The following MAPK14 variants were observed in gnomAD, a reference collection of about 807,000 sequenced individuals.
The protein encoded by MAPK14 is mitogen-activated protein kinase 14, also known as CSAID-binding protein.
Under a neutral mutation model 49.6 loss-of-function variants are expected in MAPK14, and 16 were observed. That is an observed-to-expected ratio of 0.32 (90% CI 0.22 to 0.49). The LOEUF is 0.49. Among genes scored for constraint, MAPK14 ranks in the 20% least tolerant of loss-of-function variants. MAPK14 has a pLI of 0.99. For synonymous variants in MAPK14, 142 were observed against 158.0 expected, an observed-to-expected ratio of 0.90 and a Z score of 0.76; for missense variants, 200 against 441.2, an observed-to-expected ratio of 0.45 and a Z score of 4.90.
intron 3 of MAPK14, among the ~76,000 whole-genome samples, chr6:36,070,882 A>G (rs1182770003): frequency 6.6e-6 from 1 of 152,144 alleles, no homozygotes; most frequent in Non-Finnish European, 1.5e-5. Context: ...ATAGATCTAA[A>G]TTACTGACCT....
chr6:36,079,268 C>T (rs915524035), intron 8 of MAPK14, among the ~76,000 whole-genome samples: 4 of 152,134 alleles, frequency 2.6e-5, no homozygotes, highest in African/African-American at 7.2e-5. Context: ...TTCTGTTCTT[C>T]GCTGTTCTTC....
chr6:36,028,257 G>A lies in MAPK14; in HGVS notation c.100G>A (p.Ala34Thr). 6.2e-7 allele frequency: 1 copy of A among 1,613,030 alleles called. No homozygotes were observed. The highest frequency in any genetic ancestry group is 8.5e-7 in the Non-Finnish European group (1 of 1,179,192). Residue 34 changes from alanine (A) to threonine (T), a missense_variant, in exon 1 of 12, where the codon GCC becomes ACC. Transcript: ENST00000229794. The surrounding 1 kb of genome is among the most constrained non-coding windows in gnomAD (Gnocchi z 5.1). Reference protein sequence around the residue: ...YQNLSPVGSGAYGSVCAAFDT... With the variant: ...YQNLSPVGSGTYGSVCAAFDT... Reference sequence around the variant, plus strand: ...GAACCTGTCTCCAGTGGGCTCTGGCGCCTATGGCTCTGTGTGGTGAGTGTC... The same window carrying A: ...GAACCTGTCTCCAGTGGGCTCTGGCACCTATGGCTCTGTGTGGTGAGTGTC...
rs1298090689 is a variant in MAPK14, at chr6:36,028,926, G to T, written c.116+653G>T. Among the ~76,000 whole-genome samples the T allele has an allele frequency of 6.6e-6, 1 of 151,190 alleles. No individual in the cohort carries two copies. Among genetic ancestry groups the T allele is most frequent in the Non-Finnish European group, 1.5e-5 (1 of 67,886 alleles). ...CTTTATCTCGGTGAGCACTGTGCCA[G>T]CTTGAGTGGTGTGTTTCCGATTCGG... is the stretch of plus-strand genomic sequence containing the variant. On this transcript the variant is annotated intron_variant, in intron 1 of 11. Coordinates refer to ENST00000229794, the MANE Select transcript of MAPK14 (RefSeq NM_139012.3). The surrounding 1 kb of genome is among the most constrained non-coding windows in gnomAD (Gnocchi z 5.1).
intron 9 of MAPK14, chr6:36,097,112 A>G (rs1765471800): frequency 6.6e-6 from 1 of 152,232 alleles, no homozygotes; most frequent in Non-Finnish European, 1.5e-5. Context: ...CTGACAAAAT[A>G]AAGAATACCG....
intron 3 of MAPK14, among the ~76,000 whole-genome samples, chr6:36,061,613 A>G (rs1409865320): frequency 6.6e-6 from 1 of 152,276 alleles, no homozygotes; most frequent in African/African-American, 2.4e-5. Flanking sequence ...CTACTTGTTG[A>G]CTACTTACTG....
At chr6:36,094,157 C>A (rs957285226) in intron 8 of MAPK14, among the ~76,000 whole-genome samples, 5 of 152,090 alleles carry the variant, frequency 3.3e-5, no homozygotes, top group Admixed American at 3.3e-4. Flanking sequence ...AAAATCTTAA[C>A]CTTTATAACA....
intron 3 of MAPK14, among the ~76,000 whole-genome samples, chr6:36,069,525 G>A (rs1409928477): frequency 6.6e-6 from 1 of 152,182 alleles, no homozygotes; most frequent in African/African-American, 2.4e-5. Context: ...TTTCATTGTA[G>A]CTTAGTAGTA....
At chr6:36,059,663 TTTGTTGTTG>T (rs58187530) in intron 3 of MAPK14, among the ~76,000 whole-genome samples, 8 of 151,594 alleles carry the variant, frequency 5.3e-5, no homozygotes, top group Non-Finnish European at 8.8e-5. Flanking sequence ...CAGGTTTGGT[TTTGTTGTTG>T]TTGTTGTTGT....
rs1218800083 is a variant in MAPK14, at chr6:36,108,641, T to G, written c.*194T>G. On this transcript the variant is annotated 3_prime_UTR_variant, in exon 12 of 12. Coordinates refer to ENST00000229794, the MANE Select transcript of MAPK14 (RefSeq NM_139012.3). ...GTCTTTGTGGGAGGGTAAGACAATATGAACAAACTATGATCACAGTGACTT... is the reference window on the plus strand; with the variant it reads ...GTCTTTGTGGGAGGGTAAGACAATAGGAACAAACTATGATCACAGTGACTT... 1.7e-6 allele frequency: 1 copy of G among 597,036 alleles called. No individual in the cohort carries two copies. The highest frequency in any genetic ancestry group is 1.9e-5 in the African/African-American group (1 of 53,906). The allele number at this position is 597,036 out of a possible 1,614,324, so 37.0% of individuals were successfully genotyped here.
At position 36,076,568 on chromosome 6, in the gene MAPK14, C is replaced by T. The variant is rs201451587; in HGVS notation, c.642C>T (p.Ala214=). Residue 214 remains alanine, a synonymous_variant, in exon 8 of 12, where the codon GCC becomes GCT. Coordinates refer to ENST00000229794, the MANE Select transcript of MAPK14 (RefSeq NM_139012.3). The part of the protein sequence containing the change: ...VDIWSVGCIM[A]ELLTGRTLFP... Reference sequence around the variant, plus strand: ...TTTGGTCAGTGGGATGCATAATGGCCGAGCTGTTGACTGGAAGAACATTGT... The same window carrying T: ...TTTGGTCAGTGGGATGCATAATGGCTGAGCTGTTGACTGGAAGAACATTGT... 9.9e-6 allele frequency: 16 copies of T among 1,613,884 alleles called. No homozygotes were observed. The highest frequency in any genetic ancestry group is 8.3e-5 in the Admixed American group (5 of 60,016).
intron 1 of MAPK14, among the ~76,000 whole-genome samples, chr6:36,052,128 G>A (rs1392550023): frequency 6.6e-6 from 1 of 152,078 alleles, no homozygotes; most frequent in African/African-American, 2.4e-5. Flanking sequence ...CCCTGAAGGT[G>A]CCAAGTACTT....
intron 9 of MAPK14, among the ~76,000 whole-genome samples, chr6:36,099,172 G>A (rs1335043815): frequency 6.6e-6 from 1 of 152,204 alleles, no homozygotes; most frequent in Non-Finnish European, 1.5e-5. Flanking sequence ...GCTTATTAAA[G>A]ATGACACTTC....
Position 36,102,614 on chromosome 6 carries a change from A to T in MAPK14, c.806A>T (p.Asn269Ile), listed in dbSNP as rs200108942. ...IQSLTQMPKMNFANVFIGANP... is the reference protein window; with the variant it reads ...IQSLTQMPKMIFANVFIGANP... ...TCTTTGACTCAGATGCCGAAGATGAACTTTGCGAATGTATTTATTGGTGCC... is the reference window on the plus strand; with the variant it reads ...TCTTTGACTCAGATGCCGAAGATGATCTTTGCGAATGTATTTATTGGTGCC... Residue 269 changes from asparagine to isoleucine, a missense_variant, in exon 10 of 12, where the codon AAC becomes ATC. By Grantham distance (149) the Asn-to-Ile change is moderately radical. Coordinates refer to ENST00000229794, the MANE Select transcript of MAPK14 (RefSeq NM_139012.3). 1.2e-6 allele frequency: 2 copies of T among 1,614,044 alleles called. No individual in the cohort carries two copies. The highest frequency in any genetic ancestry group is 1.7e-6 in the Non-Finnish European group (2 of 1,179,934).
Position 36,054,784 on chromosome 6 carries a change from G to A in MAPK14, c.246+1956G>A, listed in dbSNP as rs113490763. 6.0e-3 allele frequency among the ~76,000 whole-genome samples: 918 copies of A among 152,252 alleles called. 3 individuals are homozygous for A. Among genetic ancestry groups the A allele is most frequent in the South Asian group, 0.019 (94 of 4,826 alleles). On this transcript the variant is annotated intron_variant, in intron 2 of 11. Transcript: ENST00000229794. Reference sequence around the variant, plus strand: ...GAGGGTTTTCAGAGAAATTCATCTCGTTTACCCTCCTCTTCTTTTTTAAAA... The same window carrying A: ...GAGGGTTTTCAGAGAAATTCATCTCATTTACCCTCCTCTTCTTTTTTAAAA...
chr6:36,089,338 C>G (rs1354807019), intron 8 of MAPK14, among the ~76,000 whole-genome samples: 1 of 152,130 alleles, frequency 6.6e-6, no homozygotes, highest in Non-Finnish European at 1.5e-5. Context: ...AATGAGAACA[C>G]ATGGACACAT....
At chr6:36,071,764 C>A (rs568024804) in intron 3 of MAPK14, among the ~76,000 whole-genome samples, 2 of 152,296 alleles carry the variant, frequency 1.3e-5, no homozygotes, top group East Asian at 1.9e-4. Flanking sequence ...TATAGCCATG[C>A]AGTAAGTTAT....
intron 6 of MAPK14, 48 bp from the exon 7 acceptor site, chr6:36,075,800 C>A (rs754731463): frequency 6.2e-6 from 10 of 1,611,000 alleles, no homozygotes; most frequent in Non-Finnish European, 8.5e-6. Flanking sequence ...TTTTTCCCTG[C>A]CTGTTTCTAA....
chr6:36,093,120 T>C (rs937213795), intron 8 of MAPK14, among the ~76,000 whole-genome samples: 1 of 152,178 alleles, frequency 6.6e-6, no homozygotes, highest in Admixed American at 6.5e-5. Context: ...GGGGAGGTAT[T>C]CTGGTTTATG....
chr6:36,121,785 C>T, the MAPK14 span, among the ~76,000 whole-genome samples: 4 of 152,184 alleles, frequency 2.6e-5, no homozygotes, highest in Non-Finnish European at 5.9e-5. Context: ...CTAGCACTGA[C>T]CCTGGGCAAG....
Sources: gnomAD v4.1 joint callset for allele counts (sites outside exome capture counted in the v4.1 genomes callset) on GRCh38, gnomAD v4.1.1 for gene constraint, Gnocchi (gnomAD v3.1) non-coding constraint, MANE v1.5 for transcripts, NCBI Gene and HGNC (gene_info 2026-07-23, HGNC 2026-07-21) for gene names.